Variants in RPSA2 observed in about 807,000 individuals in gnomAD.
RPSA2 encodes the protein small ribosomal subunit protein uS2B.
the RPSA2 span, among the ~76,000 whole-genome samples, chr19:23,851,924 G>A: frequency 7.2e-5 from 11 of 152,240 alleles, no homozygotes; most frequent in South Asian, 1.2e-3. Context: ...ACTTTGAGCC[G>A]ATTTAAATGA....
At chr19:23,856,923 C>A in the RPSA2 span, among the ~76,000 whole-genome samples, 14,706 of 152,130 alleles carry the variant, frequency 0.097, 985 homozygotes, top group South Asian at 0.2. Context: ...CACGTATTGT[C>A]TTGTTAAACA....
At chr19:23,825,126 C>T in the RPSA2 span, among the ~76,000 whole-genome samples, 1 of 151,928 alleles carries the variant, frequency 6.6e-6, no homozygotes, top group Non-Finnish European at 1.5e-5. Flanking sequence ...AGTACAGGTG[C>T]CCGCCACCAC....
the RPSA2 span, among the ~76,000 whole-genome samples, chr19:23,789,036 T>TTTTTTTTTTACAGCCC: frequency 6.7e-6 from 1 of 149,418 alleles, no homozygotes; most frequent in African/African-American, 2.5e-5. Flanking sequence ...TTTTTTTTTT[T>TTTTTTTTTTACAGCCC]GACAGCCAGG....
chr19:23,822,834 G>T, the RPSA2 span, among the ~76,000 whole-genome samples: 1 of 152,116 alleles, frequency 6.6e-6, no homozygotes, highest in Non-Finnish European at 1.5e-5. Context: ...TCCTCCGGTG[G>T]TTCCTCCAAA....
chr19:23,829,069 A>G, the RPSA2 span, among the ~76,000 whole-genome samples: 2 of 152,154 alleles, frequency 1.3e-5, no homozygotes, highest in South Asian at 2.1e-4. Flanking sequence ...AAAATATTAT[A>G]CTTTCTGACT....
At chr19:23,816,856 A>G in the RPSA2 span, among the ~76,000 whole-genome samples, 1 of 152,240 alleles carries the variant, frequency 6.6e-6, no homozygotes, top group Admixed American at 6.5e-5. Context: ...ATTCACTATC[A>G]TGAGACTAGT....
the RPSA2 span, among the ~76,000 whole-genome samples, chr19:23,761,305 C>A: frequency 6.6e-6 from 1 of 152,004 alleles, no homozygotes; most frequent in South Asian, 2.1e-4. Context: ...GTCTTGAACC[C>A]CTGGGCTTAA....
chr19:23,782,965 T>C, the RPSA2 span, among the ~76,000 whole-genome samples: 4 of 152,110 alleles, frequency 2.6e-5, no homozygotes, highest in Non-Finnish European at 4.4e-5. Context: ...CTAGGTGATG[T>C]GACTCTCTGC....
chr19:23,826,040 AC>A, the RPSA2 span, among the ~76,000 whole-genome samples: 4 of 151,126 alleles, frequency 2.6e-5, no homozygotes, highest in East Asian at 3.9e-4. Context: ...TCAAAAAAAA[AC>A]AAAATTTACC....
chr19:23,802,736 A>G, the RPSA2 span, among the ~76,000 whole-genome samples: 1 of 152,314 alleles, frequency 6.6e-6, no homozygotes, highest in African/African-American at 2.4e-5. Context: ...AGAAAAATAG[A>G]TGAAGCAGTC....
the RPSA2 span, among the ~76,000 whole-genome samples, chr19:23,860,590 C>G: frequency 1.3e-5 from 2 of 149,918 alleles, no homozygotes; most frequent in African/African-American, 4.9e-5. Flanking sequence ...AAATGGTTCC[C>G]AATGCAAGCT....
At chr19:23,806,123 C>T in the RPSA2 span, among the ~76,000 whole-genome samples, 1 of 150,036 alleles carries the variant, frequency 6.7e-6, no homozygotes, top group Non-Finnish European at 1.5e-5. Flanking sequence ...CGGCTCACTG[C>T]AGCCTCCACA....
At chr19:23,853,095 G>A in the RPSA2 span, among the ~76,000 whole-genome samples, 1 of 152,162 alleles carries the variant, frequency 6.6e-6, no homozygotes, top group Admixed American at 6.5e-5. Context: ...CAGATGGTAG[G>A]GCTATTCAGC....
the RPSA2 span, among the ~76,000 whole-genome samples, chr19:23,840,988 A>G: frequency 3.4e-5 from 5 of 144,982 alleles, no homozygotes; most frequent in African/African-American, 1.0e-4. Flanking sequence ...AAAAAAAAAG[A>G]CAAAACATGG....
the RPSA2 span, among the ~76,000 whole-genome samples, chr19:23,870,614 C>T: frequency 2.6e-5 from 4 of 152,258 alleles, no homozygotes; most frequent in East Asian, 7.7e-4. Context: ...GCCTGGAGAG[C>T]CTCAATCCTT....
chr19:23,854,555 T>C, the RPSA2 span, among the ~76,000 whole-genome samples: 1 of 152,198 alleles, frequency 6.6e-6, no homozygotes, highest in Non-Finnish European at 1.5e-5. Context: ...GTTTCCCTGG[T>C]TCTGTGGCAA....
chr19:23,774,937 C>T, the RPSA2 span, among the ~76,000 whole-genome samples: 21 of 152,200 alleles, frequency 1.4e-4, no homozygotes, highest in African/African-American at 5.1e-4. Flanking sequence ...ACTCCCTATC[C>T]ACAGGGGAGA....
chr19:23,791,983 A>G, the RPSA2 span, among the ~76,000 whole-genome samples: 1 of 152,136 alleles, frequency 6.6e-6, no homozygotes, highest in African/African-American at 2.4e-5. Context: ...TGGCCTTCCA[A>G]AATGCTGGGA....
the RPSA2 span, among the ~76,000 whole-genome samples, chr19:23,782,987 G>A: frequency 6.6e-6 from 1 of 152,032 alleles, no homozygotes; most frequent in Non-Finnish European, 1.5e-5. Context: ...ACTGCTTGGG[G>A]TGTGCTTAAG....
Sources: gnomAD v4.1 joint callset for allele counts (sites outside exome capture counted in the v4.1 genomes callset) on GRCh38, gnomAD v4.1.1 for gene constraint, MANE v1.5 for transcripts, NCBI Gene and HGNC (gene_info 2026-07-23, HGNC 2026-07-21) for gene names.